EYA2: variants seen among roughly 807,000 people sequenced by gnomAD.
EYA2 encodes the protein protein phosphatase EYA2.
EYA2 carries 31 observed loss-of-function variants against 69.2 expected under a neutral mutation model. That is an observed-to-expected ratio of 0.45 (90% CI 0.34 to 0.60). EYA2 has a LOEUF of 0.60. EYA2 is among the 20% of genes least tolerant of loss of function. The probability of loss-of-function intolerance (pLI) is 0.02; values close to 1 mark genes in which losing one functional copy is unlikely to be tolerated. For synonymous variants in EYA2, 257 were observed against 279.4 expected (o/e 0.92, Z 0.80); for missense variants, 622 against 701.2 (o/e 0.89, Z 1.28).
intron 1 of EYA2, among the ~76,000 whole-genome samples, chr20:46,906,271 A>G (rs956529794): frequency 5.5e-4 from 84 of 152,364 alleles, no homozygotes; most frequent in African/African-American, 1.9e-3. Flanking sequence ...TGATGATGTG[A>G]AGCTTTCCCT....
intron 5 of EYA2, among the ~76,000 whole-genome samples, chr20:47,053,620 T>C (rs1172363187): frequency 7.1e-6 from 1 of 140,536 alleles, no homozygotes; most frequent in Non-Finnish European, 1.5e-5. Context: ...TGAGCTGAGA[T>C]CATGCCACTG....
intron 1 of EYA2, among the ~76,000 whole-genome samples, chr20:46,965,557 A>C (rs1250191065): frequency 1.3e-5 from 2 of 152,246 alleles, no homozygotes; most frequent in Non-Finnish European, 2.9e-5. Context: ...CCTGGGCCTC[A>C]CGCCTCATAG....
At chr20:46,937,932 G>A (rs776576419) in intron 1 of EYA2, among the ~76,000 whole-genome samples, 1 of 152,134 alleles carries the variant, frequency 6.6e-6, no homozygotes, top group Non-Finnish European at 1.5e-5. Context: ...GTATCCTATG[G>A]GGAGCCAGGC....
In EYA2 at chr20:47,108,604, C is replaced by T. The variant is rs112402813; in HGVS notation, c.888+11436C>T. Among the ~76,000 whole-genome samples, 1,442 of 152,202 alleles carry T rather than the reference C, an allele frequency of 9.5e-3. 26 individuals are homozygous for T. The highest frequency in any genetic ancestry group is 0.033 in the African/African-American group (1,364 of 41,520). On this transcript the variant is annotated intron_variant, in intron 9 of 15. Transcript: ENST00000327619. ...TATTTATTTTAGAGACAGGGTCTTG[C>T]TCTGTCACCCAGGCTGGAGTGCAGT...
At chr20:47,155,596 G>A (rs986496436) in intron 10 of EYA2, among the ~76,000 whole-genome samples, 3 of 151,884 alleles carry the variant, frequency 2.0e-5, no homozygotes, top group Admixed American at 6.6e-5. Context: ...GACAGCTGAC[G>A]CATATCAAGC....
At chr20:46,989,145 T>C (rs1008469444) in intron 1 of EYA2, among the ~76,000 whole-genome samples, 1 of 152,168 alleles carries the variant, frequency 6.6e-6, no homozygotes. Context: ...TCATGGGTGA[T>C]TCAGGAGCCA....
chr20:47,003,663 C>T (rs967808686), intron 3 of EYA2, among the ~76,000 whole-genome samples: 8 of 152,324 alleles, frequency 5.3e-5, no homozygotes, highest in Admixed American at 1.3e-4. Context: ...GAAATTATAT[C>T]CATGGATCTG....
intron 1 of EYA2, among the ~76,000 whole-genome samples, chr20:46,988,213 C>T (rs1280178985): frequency 5.3e-4 from 24 of 45,370 alleles, no homozygotes; most frequent in East Asian, 3.0e-3. Context: ...TGGCGGGGGG[C>T]GGGGGTGGGT....
intron 1 of EYA2, among the ~76,000 whole-genome samples, chr20:46,943,604 G>A (rs1384079502): frequency 5.9e-5 from 9 of 152,214 alleles, no homozygotes; most frequent in Non-Finnish European, 1.3e-4. Flanking sequence ...CAGGAGGCCA[G>A]CTTGCCTGTG....
At chr20:46,912,279 T>TGG (rs562857724) in intron 1 of EYA2, among the ~76,000 whole-genome samples, 82 of 152,340 alleles carry the variant, frequency 5.4e-4, no homozygotes, top group Admixed American at 1.6e-3. Context: ...CTCAAAGGCA[T>TGG]GGATATTCAG....
chr20:47,047,287 G>A (rs950576060), intron 5 of EYA2, among the ~76,000 whole-genome samples: 1 of 152,154 alleles, frequency 6.6e-6, no homozygotes, highest in Non-Finnish European at 1.5e-5. Context: ...GCGAGGGGCA[G>A]CAAACACAAA....
intron 1 of EYA2, among the ~76,000 whole-genome samples, chr20:46,987,962 CTCTATATATA>C (rs1243740112): frequency 4.0e-4 from 7 of 17,554 alleles, no homozygotes; most frequent in South Asian, 5.3e-3. Context: ...CTCTCTCTCT[CTCTATATATA>C]TATATATATA....
intron 9 of EYA2, among the ~76,000 whole-genome samples, chr20:47,100,347 C>A (rs1432697448): frequency 6.6e-6 from 1 of 152,206 alleles, no homozygotes; most frequent in Non-Finnish European, 1.5e-5. Flanking sequence ...GGGCCACAAT[C>A]AACAGGAGCA....
Position 46,990,094 on chromosome 20 carries a change from T to C in EYA2, c.84T>C (p.Ala28=), listed in dbSNP as rs570724869. 2 of 1,610,652 alleles carry C rather than the reference T, an allele frequency of 1.2e-6. No homozygotes were observed. Among genetic ancestry groups the C allele is most frequent in the South Asian group, 1.1e-5 (1 of 90,962 alleles). The change falls in exon 2 of 16, where the codon GCT becomes GCC. Residue 28 remains alanine, a synonymous_variant. Transcript: ENST00000327619. ...DKLKFNRADA[A]VWTLSDRQGI... ...TGAAGTTTAACCGTGCTGACGCTGCTGTGTGGACTCTGAGTGACAGACAAG... is the reference window on the plus strand; with the variant it reads ...TGAAGTTTAACCGTGCTGACGCTGCCGTGTGGACTCTGAGTGACAGACAAG...
rs1555809755 is a variant in EYA2, at chr20:46,987,916, GTCTCTCTC to G, written c.-10-2043_-10-2036del. 9.1e-3 allele frequency among the ~76,000 whole-genome samples: 186 copies of G among 20,350 alleles called. 35 individuals carry two copies. The highest frequency in any genetic ancestry group is 0.012 in the Non-Finnish European group (123 of 10,410). The allele number at this position is 20,350 out of a possible 152,430, so 13.4% of individuals were successfully genotyped here. A position where few individuals can be genotyped will look rare whatever the true frequency, so the allele number is the denominator to read the frequency against. On this transcript the variant is annotated intron_variant, in intron 1 of 15. Transcript: ENST00000327619. ...TACTCCAGCCTGGAAGACAGAGTAA[GTCTCTCTC>G]TCTCTCTCTCTCTCTCTCTCTCTCT...
At chr20:46,935,336 C>T (rs759119877) in intron 1 of EYA2, among the ~76,000 whole-genome samples, 9 of 152,154 alleles carry the variant, frequency 5.9e-5, no homozygotes, top group African/African-American at 1.2e-4. Context: ...TGTGACCTGC[C>T]GCACCTCTCT....
chr20:47,099,254 A>C (rs1383423157), intron 9 of EYA2, among the ~76,000 whole-genome samples: 1 of 152,248 alleles, frequency 6.6e-6, no homozygotes, highest in African/African-American at 2.4e-5. Context: ...GTCCCCAAGA[A>C]GCCGCAGAGG....
intron 1 of EYA2, among the ~76,000 whole-genome samples, chr20:46,968,636 G>A (rs910129962): frequency 2.0e-5 from 3 of 152,012 alleles, no homozygotes; most frequent in African/African-American, 7.3e-5. Flanking sequence ...GATGATTGTT[G>A]TGGAGCTGTC....
intron 9 of EYA2, among the ~76,000 whole-genome samples, chr20:47,106,482 C>T (rs2032583066): frequency 6.6e-6 from 1 of 152,166 alleles, no homozygotes; most frequent in African/African-American, 2.4e-5. Flanking sequence ...TCCTTCCTCA[C>T]CAGGTTATAT....
Sources: gnomAD v4.1 joint callset for allele counts (sites outside exome capture counted in the v4.1 genomes callset) on GRCh38, gnomAD v4.1.1 for gene constraint, MANE v1.5 for transcripts, NCBI Gene and HGNC (gene_info 2026-07-23, HGNC 2026-07-21) for gene names.